DDAH1: variants seen among roughly 807,000 people sequenced by gnomAD.
The protein encoded by DDAH1 is N(G),N(G)-dimethylarginine dimethylaminohydrolase 1.
Under a neutral mutation model 28.8 loss-of-function variants are expected in DDAH1, and 19 were observed. That is an observed-to-expected ratio of 0.66 (90% CI 0.46 to 0.97). DDAH1 has a LOEUF of 0.97. Ranked by LOEUF, DDAH1 falls within the 50% of genes least tolerant of loss-of-function variation. DDAH1 has a pLI of 0.00. For synonymous variants in DDAH1, 153 were observed against 154.4 expected (o/e 0.99, Z 0.07); for missense variants, 326 against 375.9 (o/e 0.87, Z 1.10).
chr1:85,484,583 G>A (rs1656135624), intron 2 of DDAH1, among the ~76,000 whole-genome samples: 1 of 152,144 alleles, frequency 6.6e-6, no homozygotes, highest in African/African-American at 2.4e-5. Context: ...AGACTAGCAT[G>A]TGGATACAAG....
At chr1:85,491,814 T>C (rs1656413804) in intron 2 of DDAH1, among the ~76,000 whole-genome samples, 1 of 152,222 alleles carries the variant, frequency 6.6e-6, no homozygotes, top group South Asian at 2.1e-4. Context: ...CTTTGTACTC[T>C]ATACCATCAT....
intron 2 of DDAH1, among the ~76,000 whole-genome samples, chr1:85,490,411 G>A (rs1206880350): frequency 1.3e-5 from 2 of 152,152 alleles, no homozygotes; most frequent in Non-Finnish European, 2.9e-5. Context: ...AACACAGTAT[G>A]ATAGTTCTCC....
At chr1:85,427,560 G>C (rs1653466820) in intron 1 of DDAH1, among the ~76,000 whole-genome samples, 1 of 152,148 alleles carries the variant, frequency 6.6e-6, no homozygotes, top group Non-Finnish European at 1.5e-5. Flanking sequence ...TGTCTTGCCA[G>C]TCTATGCAGA....
At chr1:85,503,835 G>A (rs1656913134) in intron 1 of DDAH1, among the ~76,000 whole-genome samples, 1 of 152,128 alleles carries the variant, frequency 6.6e-6, no homozygotes, top group Non-Finnish European at 1.5e-5. Context: ...TGACCTCTGG[G>A]CTAAGTGGCA....
chr1:85,333,607 G>A (rs1647913944), intron 4 of DDAH1, among the ~76,000 whole-genome samples: 1 of 151,924 alleles, frequency 6.6e-6, no homozygotes, highest in African/African-American at 2.4e-5. Flanking sequence ...GGGTATGAAT[G>A]AGAAATTCAC....
chr1:85,350,314 C>T (rs549662250), intron 4 of DDAH1, 101 bp downstream of exon 4: 96 of 1,476,968 alleles, frequency 6.5e-5, no homozygotes, highest in Non-Finnish European at 7.9e-5. Context: ...CCTGTTCTCT[C>T]CCTGCCAACC....
At chr1:85,498,382 A>G (rs1167641141) in intron 1 of DDAH1, among the ~76,000 whole-genome samples, 3 of 152,244 alleles carry the variant, frequency 2.0e-5, no homozygotes, top group Non-Finnish European at 4.4e-5. Context: ...TTGATTATTT[A>G]AAGCAAAAAT....
intron 1 of DDAH1, among the ~76,000 whole-genome samples, chr1:85,513,369 T>C (rs971008951): frequency 6.6e-6 from 1 of 152,188 alleles, no homozygotes; most frequent in African/African-American, 2.4e-5. Flanking sequence ...ATTAAAGACT[T>C]AAATGTTAGA....
intron 1 of DDAH1, among the ~76,000 whole-genome samples, chr1:85,565,577 GA>G (rs1366577592): frequency 6.6e-6 from 1 of 151,278 alleles, no homozygotes; most frequent in African/African-American, 2.4e-5. Flanking sequence ...ATAAAAAGTT[GA>G]AAAAAAGAAA....
chr1:85,354,045 G>C (rs1231348750), intron 2 of DDAH1, among the ~76,000 whole-genome samples: 1 of 152,170 alleles, frequency 6.6e-6, no homozygotes, highest in Non-Finnish European at 1.5e-5. Flanking sequence ...CAGTACGTTG[G>C]ATGAGATCTC....
At chr1:85,492,694 A>G (rs1318644648) in intron 2 of DDAH1, among the ~76,000 whole-genome samples, 4 of 152,192 alleles carry the variant, frequency 2.6e-5, no homozygotes, top group African/African-American at 9.6e-5. Flanking sequence ...ATATACTTAC[A>G]CTGTCTATGT....
chr1:85,443,810 CTGTT>C (rs1278395781), intron 1 of DDAH1, among the ~76,000 whole-genome samples: 1 of 152,104 alleles, frequency 6.6e-6, no homozygotes, highest in Non-Finnish European at 1.5e-5. Flanking sequence ...ATTTGGTTCT[CTGTT>C]TGTCTGTTAT....
In DDAH1 at chr1:85,578,111, C is replaced by T. The variant is rs1659663691; in HGVS notation, c.-250G>A. ...CGGTCTTTGGGCAGGACTTGAGGAG[C>T]CGCTGTTTCTCTTGCCTAATGTCGT... On this transcript the variant is annotated 5_prime_UTR_variant, in exon 1 of 7. Coordinates refer to the DDAH1 transcript ENST00000426972. The T allele has an allele frequency of 1.1e-5, 6 of 554,902 alleles. No individual in the cohort carries two copies. The South Asian group carries it at 4.7e-4, about 44-fold the overall frequency. The allele number at this position is 554,902 out of a possible 1,614,324, so 34.4% of individuals were successfully genotyped here.
intron 1 of DDAH1, among the ~76,000 whole-genome samples, chr1:85,438,703 C>T (rs1224288810): frequency 1.3e-5 from 2 of 152,304 alleles, no homozygotes; most frequent in African/African-American, 2.4e-5. Context: ...TAACCCACTA[C>T]GTTTTGGAAT....
intron 1 of DDAH1, among the ~76,000 whole-genome samples, chr1:85,440,212 C>A (rs1360588009): frequency 6.6e-6 from 1 of 152,146 alleles, no homozygotes; most frequent in Non-Finnish European, 1.5e-5. Context: ...AATATCATTG[C>A]ATAATTAAGG....
intron 1 of DDAH1, among the ~76,000 whole-genome samples, chr1:85,391,887 A>T (rs955347485): frequency 6.6e-5 from 10 of 152,216 alleles, no homozygotes; most frequent in African/African-American, 1.9e-4. Flanking sequence ...CTACCCTCTG[A>T]TAAACTCCAC....
intron 4 of DDAH1, among the ~76,000 whole-genome samples, chr1:85,342,096 G>A (rs888989757): frequency 3.3e-5 from 5 of 152,070 alleles, no homozygotes; most frequent in Non-Finnish European, 7.4e-5. Context: ...ATTCAACTTT[G>A]TTTTTTCAAG....
At chr1:85,504,679 T>C (rs928335108) in intron 1 of DDAH1, among the ~76,000 whole-genome samples, 1 of 152,128 alleles carries the variant, frequency 6.6e-6, no homozygotes, top group Non-Finnish European at 1.5e-5. Flanking sequence ...CTCTTCTAGA[T>C]GAAAAAATCA....
intron 1 of DDAH1, among the ~76,000 whole-genome samples, chr1:85,528,608 AG>A (rs1388938714): frequency 1.8e-4 from 28 of 152,050 alleles, no homozygotes; most frequent in Non-Finnish European, 3.4e-4. Context: ...TGCTTTTTAA[AG>A]AACATTTTTT....
Sources: allele counts gnomAD v4.1 joint callset (sites outside exome capture counted in the v4.1 genomes callset), GRCh38; gene constraint gnomAD v4.1.1; transcripts MANE v1.5; gene names NCBI Gene and HGNC (gene_info 2026-07-23, HGNC 2026-07-21).